Variants in UBE2L3 observed in about 807,000 individuals in gnomAD.
UBE2L3 encodes the protein ubiquitin-conjugating enzyme E2 L3.
In UBE2L3, 1 loss-of-function variant was observed where a neutral mutation model predicts 17.8. The observed-to-expected ratio is 0.06, with a 90% CI of 0.02 to 0.27. The LOEUF (loss-of-function observed/expected upper bound fraction) is 0.27, where lower values mean the gene tolerates loss of function less well. UBE2L3 is among the 10% of genes least tolerant of loss of function. The probability of loss-of-function intolerance (pLI) is 1.00; values close to 1 mark genes in which losing one functional copy is unlikely to be tolerated. For missense variants in UBE2L3, 40 were observed against 192.6 expected (o/e 0.21, Z 4.69); for synonymous variants, 44 against 68.5 (o/e 0.64, Z 1.76).
chr22:21,574,225 T>C (rs1354383886), intron 1 of UBE2L3, among the ~76,000 whole-genome samples: 2 of 152,182 alleles, frequency 1.3e-5, no homozygotes, highest in Non-Finnish European at 2.9e-5. Flanking sequence ...CAAAGCTGTT[T>C]AGAGGAAGAC....
At chr22:21,604,426 G>A (rs1929040550) in intron 2 of UBE2L3, among the ~76,000 whole-genome samples, 1 of 152,134 alleles carries the variant, frequency 6.6e-6, no homozygotes, top group Admixed American at 6.5e-5. Flanking sequence ...GTTTGAACCC[G>A]GGAGGCGGAG....
intron 2 of UBE2L3, among the ~76,000 whole-genome samples, chr22:21,605,247 GCA>G (rs1201590735): frequency 6.6e-6 from 1 of 152,188 alleles, no homozygotes; most frequent in Non-Finnish European, 1.5e-5. Flanking sequence ...AGGCAGGAGT[GCA>G]GTGGTGCAGT....
chr22:21,563,688 C>T (rs1383192103), upstream of UBE2L3, among the ~76,000 whole-genome samples: 2 of 150,358 alleles, frequency 1.3e-5, no homozygotes, highest in Non-Finnish European at 3.0e-5. Context: ...GCGATTCTCC[C>T]GCCTCAGCCT....
chr22:21,562,634 G>A lies in UBE2L3; in HGVS notation c.201+12984G>A, dbSNP rs1199439499. Among the ~76,000 whole-genome samples, 5 of 147,986 alleles carry A rather than the reference G, an allele frequency of 3.4e-5. No individual in the cohort carries two copies. The East Asian group carries it at 1.0e-3, about 30-fold the overall frequency. ...GATCTGCCTGCCTCGGCCTCCCAAA[G>A]TGCTAGGATTACAGGCGTGAGCCAC... On this transcript the variant is annotated intron_variant, in intron 1 of 3. Coordinates refer to the UBE2L3 transcript ENST00000458578.
chr22:21,577,470 C>G (rs1927378341), intron 1 of UBE2L3, among the ~76,000 whole-genome samples: 1 of 152,222 alleles, frequency 6.6e-6, no homozygotes. Context: ...TGTGTAGTTT[C>G]TCCTTCTGAC....
rs1930050123 is a variant in UBE2L3 at position 21,621,866 on chromosome 22, A to G, written c.*197A>G. On this transcript the variant is annotated 3_prime_UTR_variant, in exon 4 of 4. Coordinates refer to ENST00000342192, the MANE Select transcript of UBE2L3 (RefSeq NM_003347.4). ...GTAAAGAAAGGATTAAAAATTTAAG[A>G]TGTTCTAGTTCTGCTCTCTTTGTTT... The G allele has an allele frequency of 1.9e-6, 1 of 537,686 alleles. No individual in the cohort carries two copies. Among genetic ancestry groups the G allele is most frequent in the African/African-American group, 1.9e-5 (1 of 51,482 alleles). The allele number at this position is 537,686 out of a possible 1,614,324, so 33.3% of individuals were successfully genotyped here.
chr22:21,584,514 A>G (rs1927827436), intron 1 of UBE2L3, among the ~76,000 whole-genome samples: 2 of 146,440 alleles, frequency 1.4e-5, no homozygotes, highest in East Asian at 2.1e-4. Context: ...TTTTATTTTT[A>G]TTTTTTTGAG....
chr22:21,607,514 TAAAA>T (rs758366095), intron 2 of UBE2L3, among the ~76,000 whole-genome samples: 4 of 108,974 alleles, frequency 3.7e-5, no homozygotes, highest in African/African-American at 1.1e-4. Flanking sequence ...GACTCCGTCT[TAAAA>T]AAAAAAAAAA....
rs374767698 is a variant in UBE2L3, at chr22:21,595,472, G to A, written c.123+2516G>A. Among the ~76,000 whole-genome samples, 21 of 152,298 alleles carry A rather than the reference G, an allele frequency of 1.4e-4. 1 individual carries two copies. The South Asian group carries it at 4.3e-3, about 32-fold the overall frequency. ...GTTGGGGTAAAAGTAGAGCCAGGCC[G>A]ATGAAGGCATGGCAGCCCAGCCCTG... On this transcript the variant is annotated intron_variant, in intron 2 of 3. Coordinates refer to ENST00000342192, the MANE Select transcript of UBE2L3 (RefSeq NM_003347.4).
chr22:21,592,997 T>G, intron 2 of UBE2L3, 41 bp downstream of exon 2: 3 of 1,562,366 alleles, frequency 1.9e-6, no homozygotes, highest in Non-Finnish European at 2.6e-6. Context: ...GATTATTCTT[T>G]AAGGTGATGT....
At chr22:21,572,174 C>T (rs1927004168) in intron 1 of UBE2L3, among the ~76,000 whole-genome samples, 1 of 151,948 alleles carries the variant, frequency 6.6e-6, no homozygotes, top group African/African-American at 2.4e-5. Context: ...GTGACTCACA[C>T]CTGTAATCCC....
intron 1 of UBE2L3, among the ~76,000 whole-genome samples, chr22:21,590,413 G>A (rs761969067): frequency 6.6e-6 from 1 of 152,172 alleles, no homozygotes; most frequent in Non-Finnish European, 1.5e-5. Context: ...GGCCAGGCTT[G>A]TCTCGAACTC....
intron 3 of UBE2L3, among the ~76,000 whole-genome samples, chr22:21,618,872 G>C (rs947499121): frequency 6.6e-6 from 1 of 152,140 alleles, no homozygotes; most frequent in Non-Finnish European, 1.5e-5. Flanking sequence ...GAATACAGGT[G>C]TGAGCCACCA....
intron 1 of UBE2L3, among the ~76,000 whole-genome samples, chr22:21,553,026 C>CTTTATTTTATTTTATTTTATTTCAT (rs1926127659): frequency 1.5e-4 from 1 of 6,868 alleles, no homozygotes; most frequent in African/African-American, 9.9e-4. Context: ...GCGCATGGCC[C>CTTTATTTTATTTTATTTTATTTCAT]TTTATTTTAT....
intron 3 of UBE2L3, among the ~76,000 whole-genome samples, chr22:21,615,818 C>T (rs936642663): frequency 3.9e-5 from 6 of 152,160 alleles, no homozygotes; most frequent in South Asian, 2.1e-4. Flanking sequence ...TTGAACAGTG[C>T]GATGCCCTGC....
chr22:21,620,791 C>T (rs972865704), intron 3 of UBE2L3, among the ~76,000 whole-genome samples: 3 of 152,122 alleles, frequency 2.0e-5, no homozygotes, highest in African/African-American at 4.8e-5. Context: ...TGGGTCATTG[C>T]GCATTGACAA....
chr22:21,582,682 C>T (rs769915460), intron 1 of UBE2L3, among the ~76,000 whole-genome samples: 2 of 152,048 alleles, frequency 1.3e-5, no homozygotes, highest in East Asian at 1.9e-4. Flanking sequence ...CTTGCCACCA[C>T]GCCCAGTTAA....
At chr22:21,568,740 T>TA (rs1926786070) in intron 1 of UBE2L3, among the ~76,000 whole-genome samples, 1 of 151,780 alleles carries the variant, frequency 6.6e-6, no homozygotes, top group East Asian at 1.9e-4. Flanking sequence ...GGCCGGAAAT[T>TA]AAAAAAAGGC....
chr22:21,568,853 G>T (rs1294419507), intron 1 of UBE2L3, among the ~76,000 whole-genome samples: 2 of 152,180 alleles, frequency 1.3e-5, no homozygotes, highest in African/African-American at 4.8e-5. Flanking sequence ...CAGTCTCTGA[G>T]CATTCCCTCC....
Sources: gnomAD v4.1 joint callset for allele counts (sites outside exome capture counted in the v4.1 genomes callset) on GRCh38, gnomAD v4.1.1 for gene constraint, MANE v1.5 for transcripts, NCBI Gene and HGNC (gene_info 2026-07-23, HGNC 2026-07-21) for gene names.